PRKN: variants seen among roughly 807,000 people sequenced by gnomAD.
PRKN encodes the protein E3 ubiquitin-protein ligase parkin.
Under a neutral mutation model 59.5 loss-of-function variants are expected in PRKN, and 56 were observed. The observed-to-expected ratio is 0.94, with a 90% CI of 0.76 to 1.18. The LOEUF (loss-of-function observed/expected upper bound fraction) is 1.18. PRKN is among the 50% of genes most tolerant of loss of function. The probability of loss-of-function intolerance (pLI) is 0.00; values close to 1 mark genes in which losing one functional copy is unlikely to be tolerated. For synonymous variants in PRKN, 250 were observed against 222.1 expected, an observed-to-expected ratio of 1.13 and a Z score of -1.12; for missense variants, 657 against 596.4, an observed-to-expected ratio of 1.10 and a Z score of -1.06.
intron 4 of PRKN, among the ~76,000 whole-genome samples, chr6:162,076,840 G>A (rs1377814361): frequency 1.3e-5 from 2 of 152,138 alleles, no homozygotes; most frequent in African/African-American, 4.8e-5. Flanking sequence ...GATTGTTGCT[G>A]AAGAACAAAT....
At chr6:162,639,643 G>C (rs1777884055) in intron 1 of PRKN, among the ~76,000 whole-genome samples, 1 of 151,558 alleles carries the variant, frequency 6.6e-6, no homozygotes, top group Admixed American at 6.6e-5. Flanking sequence ...GAAAATCAAA[G>C]GTAAAAGCCT....
At chr6:162,220,475 G>A (rs561330437) in intron 3 of PRKN, among the ~76,000 whole-genome samples, 17 of 152,232 alleles carry the variant, frequency 1.1e-4, no homozygotes, top group African/African-American at 2.9e-4. Context: ...CAACATAAAC[G>A]TAAAAGAGTG....
At chr6:162,216,748 G>T (rs140346628) in intron 3 of PRKN, among the ~76,000 whole-genome samples, 3 of 151,992 alleles carry the variant, frequency 2.0e-5, no homozygotes, top group Non-Finnish European at 4.4e-5. Context: ...AGCCACTCAC[G>T]GACACAGTGA....
chr6:162,236,256 A>C (rs1055778783), intron 3 of PRKN, among the ~76,000 whole-genome samples: 1 of 152,176 alleles, frequency 6.6e-6, no homozygotes, highest in Non-Finnish European at 1.5e-5. Context: ...CTTTGCCTCA[A>C]CAATGATTAG....
At position 161,467,158 on chromosome 6, in the gene PRKN, C is replaced by T. The variant is rs1372827435; in HGVS notation, c.1084-80281G>A. ...CTGCTGGGGGAGCCATTTGTGCTGA[C>T]GAATAGTTGTTTTTTTCAATGTACT... On this transcript the variant is annotated intron_variant, in intron 9 of 11. Coordinates refer to ENST00000366898, the MANE Select transcript of PRKN (RefSeq NM_004562.3). The surrounding 1 kb of genome is among the most constrained non-coding windows in gnomAD (Gnocchi z 4.3). 2.0e-5 allele frequency among the ~76,000 whole-genome samples: 3 copies of T among 152,108 alleles called. No homozygotes were observed. Among genetic ancestry groups the T allele is most frequent in the Non-Finnish European group, 2.9e-5 (2 of 68,018 alleles).
At chr6:162,302,300 G>A (rs761911654) in intron 2 of PRKN, among the ~76,000 whole-genome samples, 54 of 151,378 alleles carry the variant, frequency 3.6e-4, no homozygotes, top group Non-Finnish European at 6.3e-4. Context: ...CCATTAATAG[G>A]ATGGTATGTC....
chr6:161,506,840 G>A (rs1308924411), intron 9 of PRKN, among the ~76,000 whole-genome samples: 1 of 152,214 alleles, frequency 6.6e-6, no homozygotes, highest in Non-Finnish European at 1.5e-5. Context: ...CCATTGGTCT[G>A]CAGTACCAAA....
At position 162,024,647 on chromosome 6, in the gene PRKN, C is replaced by T. The variant is rs544840713; in HGVS notation, c.618+29444G>A. On this transcript the variant is annotated intron_variant, in intron 5 of 11. Coordinates refer to ENST00000366898, the MANE Select transcript of PRKN (RefSeq NM_004562.3). ...TTTTGTGTGTAAGGCTCTTGTAAAGCGAATTGTTGTCACTATAGTGAACAA... is the reference window on the plus strand; with the variant it reads ...TTTTGTGTGTAAGGCTCTTGTAAAGTGAATTGTTGTCACTATAGTGAACAA... Among the ~76,000 whole-genome samples, 7 of 152,228 alleles carry T rather than the reference C, an allele frequency of 4.6e-5. No individual in the cohort carries two copies. The East Asian group carries it at 9.7e-4, about 21-fold the overall frequency.
At chr6:162,716,784 GCGCACACA>G (rs1778744730) in intron 1 of PRKN, among the ~76,000 whole-genome samples, 2 of 122,970 alleles carry the variant, frequency 1.6e-5, no homozygotes, top group Non-Finnish European at 3.3e-5. Context: ...ACACACACAC[GCGCACACA>G]CACACACACA....
intron 2 of PRKN, among the ~76,000 whole-genome samples, chr6:162,344,441 A>G (rs1329610179): frequency 3.9e-5 from 6 of 152,068 alleles, no homozygotes; most frequent in African/African-American, 1.2e-4. Flanking sequence ...TCTATGAATC[A>G]TATAGCAGCA....
Position 161,352,726 on chromosome 6 carries a change from A to AGTGTGTGTGTGTGTGTGTGT in PRKN, c.1286-2535_1286-2516dup, listed in dbSNP as rs373703677. ...TATATAAACACAAATATGTATGAAG[A>AGTGTGTGTGTGTGTGTGTGT]GTGTGTGTGTGTGTGTGTGTGTGTG... On this transcript the variant is annotated intron_variant, in intron 11 of 11. Coordinates refer to ENST00000366898, the MANE Select transcript of PRKN (RefSeq NM_004562.3). This position sits in a 1 kb window ranked among gnomAD's most constrained non-coding sequence, Gnocchi z 5.8. 3.2e-4 allele frequency among the ~76,000 whole-genome samples: 41 copies of AGTGTGTGTGTGTGTGTGTGT among 128,510 alleles called. No homozygotes were observed. Among genetic ancestry groups the AGTGTGTGTGTGTGTGTGTGT allele is most frequent in the Middle Eastern group, 4.0e-3 (1 of 252 alleles). 84.3% of individuals were successfully genotyped at this position (128,510 alleles called of 152,430 possible).
At chr6:162,620,329 A>C (rs1448827805) in intron 1 of PRKN, among the ~76,000 whole-genome samples, 1 of 152,114 alleles carries the variant, frequency 6.6e-6, no homozygotes, top group Non-Finnish European at 1.5e-5. Context: ...GTGTTCTGCC[A>C]CCTTCTGGTT....
intron 1 of PRKN, among the ~76,000 whole-genome samples, chr6:162,494,790 T>C (rs1285829960): frequency 6.6e-6 from 1 of 152,198 alleles, no homozygotes; most frequent in Non-Finnish European, 1.5e-5. Context: ...TCTCATTTTT[T>C]CATAGCTGTA....
At chr6:162,268,484 G>C (rs1284630598) in intron 2 of PRKN, among the ~76,000 whole-genome samples, 1 of 152,150 alleles carries the variant, frequency 6.6e-6, no homozygotes, top group African/African-American at 2.4e-5. Context: ...CCCAGTCTCA[G>C]GTATTTTGTT....
chr6:162,487,199 T>A (rs922561758), intron 1 of PRKN, among the ~76,000 whole-genome samples: 1 of 152,182 alleles, frequency 6.6e-6, no homozygotes, highest in African/African-American at 2.4e-5. Flanking sequence ...GACCACCCAG[T>A]GTCTAAAGGG....
At chr6:161,877,705 T>A (rs1794786868) in intron 6 of PRKN, among the ~76,000 whole-genome samples, 1 of 151,980 alleles carries the variant, frequency 6.6e-6, no homozygotes, top group Admixed American at 6.6e-5. Flanking sequence ...ACTGACCTCA[T>A]GATCTGCCCG....
chr6:162,252,634 G>A (rs1437979347), intron 3 of PRKN, among the ~76,000 whole-genome samples: 2 of 152,210 alleles, frequency 1.3e-5, no homozygotes, highest in African/African-American at 4.8e-5. Flanking sequence ...CCTCCACCAT[G>A]AGAGGGCACG....
chr6:162,164,953 A>T (rs1229844338), intron 4 of PRKN, among the ~76,000 whole-genome samples: 1 of 149,032 alleles, frequency 6.7e-6, no homozygotes, highest in African/African-American at 2.5e-5. Flanking sequence ...AAAATCTGCC[A>T]AATGTACCAT....
At chr6:161,856,989 G>C (rs1055596695) in intron 6 of PRKN, among the ~76,000 whole-genome samples, 1 of 47,274 alleles carries the variant, frequency 2.1e-5, no homozygotes, top group Non-Finnish European at 4.7e-5. Flanking sequence ...CAGTACTTTG[G>C]GAGGCTGAGG....
Sources: allele counts gnomAD v4.1 joint callset (sites outside exome capture counted in the v4.1 genomes callset), GRCh38; gene constraint gnomAD v4.1.1; non-coding constraint Gnocchi (gnomAD v3.1); transcripts MANE v1.5; gene names NCBI Gene and HGNC (gene_info 2026-07-23, HGNC 2026-07-21).